The following DMD variants were observed in gnomAD, a reference collection of about 807,000 sequenced individuals.
DMD encodes mutant dystrophin.
A neutral mutation model predicts 330.1 loss-of-function variants in DMD; 63 were observed. The ratio of observed to expected loss-of-function variants is 0.19; its 90% CI spans 0.16 to 0.24. DMD has a LOEUF of 0.24. Among genes scored for constraint, DMD ranks in the 10% least tolerant of loss-of-function variants. The pLI is 1.00. For synonymous variants in DMD, 1,223 were observed against 959.8 expected (o/e 1.27, Z -5.07); for missense variants, 3,344 against 2,684.1 (o/e 1.25, Z -5.43).
intron 1 of DMD, among the ~76,000 whole-genome samples, chrX:33,142,214 T>A (rs1433219012): frequency 8.9e-6 from 1 of 112,077 alleles, no homozygotes; most frequent in Non-Finnish European, 1.9e-5. Context: ...GCCTCCCAAG[T>A]AGCTGGGATT....
chrX:32,454,033 T>C (rs186551706), intron 26 of DMD, among the ~76,000 whole-genome samples: 119 of 110,826 alleles, frequency 1.1e-3, no homozygotes, highest in Middle Eastern at 4.6e-3. Flanking sequence ...GAGGATTATA[T>C]TGACTATTAT....
At chrX:33,165,762 G>C (rs1449168866) in intron 1 of DMD, among the ~76,000 whole-genome samples, 1 of 111,261 alleles carries the variant, frequency 9.0e-6, no homozygotes, top group African/African-American at 3.3e-5. Context: ...TAAACAAAGG[G>C]GGAAAGAGAT....
At chrX:33,328,447 C>T (rs932126594) in intron 1 of DMD, among the ~76,000 whole-genome samples, 1 of 110,917 alleles carries the variant, frequency 9.0e-6, no homozygotes, top group Non-Finnish European at 1.9e-5. Flanking sequence ...ACACCCACCT[C>T]GACCTCCCAA....
chrX:32,486,472 A>C lies in DMD; in HGVS notation c.2623-1373T>G, dbSNP rs1409931975. ...AGCACTGTATTTCTTTTGGACAATGACTTTCTTCACAGAATTGGAAAAAAC... is the reference window on the plus strand; with the variant it reads ...AGCACTGTATTTCTTTTGGACAATGCCTTTCTTCACAGAATTGGAAAAAAC... On this transcript the variant is annotated intron_variant, in intron 20 of 78. Transcript: ENST00000357033. Among the ~76,000 whole-genome samples, 5 of 111,006 alleles carry C rather than the reference A, an allele frequency of 4.5e-5. No homozygotes were observed. The East Asian group carries it at 1.4e-3, about 31-fold the overall frequency.
intron 44 of DMD, among the ~76,000 whole-genome samples, chrX:32,100,176 C>T (rs752061942): frequency 1.5e-4 from 16 of 109,950 alleles, no homozygotes; most frequent in Non-Finnish European, 3.0e-4. Flanking sequence ...TTGAACTACC[C>T]CATCCCCAGA....
chrX:31,521,811 TAA>T (rs1297199826), intron 55 of DMD, among the ~76,000 whole-genome samples: 1 of 111,331 alleles, frequency 9.0e-6, no homozygotes, highest in Non-Finnish European at 1.9e-5. Context: ...GAACAGAAAA[TAA>T]AAAGACTTGC....
At chrX:32,809,919 C>CAAAAAAAAAAAAAAAA (rs55898363) in intron 6 of DMD, among the ~76,000 whole-genome samples, 8 of 28,650 alleles carry the variant, frequency 2.8e-4, no homozygotes, top group Non-Finnish European at 2.9e-4. Context: ...TTGTTTCTAC[C>CAAAAAAAAAAAAAAAA]AAAAAAAAAA....
At chrX:32,049,919 A>G (rs2096094606) in intron 44 of DMD, among the ~76,000 whole-genome samples, 1 of 111,390 alleles carries the variant, frequency 9.0e-6, no homozygotes, top group South Asian at 3.7e-4. Flanking sequence ...CTACTTTTTC[A>G]TTATCAGTTG....
intron 2 of DMD, among the ~76,000 whole-genome samples, chrX:33,008,977 C>T (rs1356321913): frequency 1.0e-5 from 1 of 95,561 alleles, no homozygotes; most frequent in Non-Finnish European, 2.1e-5. Flanking sequence ...TGTATATACA[C>T]TTATGTATAT....
chrX:32,319,644 T>A (rs1464795250), intron 41 of DMD, among the ~76,000 whole-genome samples: 2 of 111,659 alleles, frequency 1.8e-5, no homozygotes, highest in Non-Finnish European at 3.8e-5. Context: ...ATTAGCTACA[T>A]GCTATTGTAC....
intron 63 of DMD, among the ~76,000 whole-genome samples, chrX:31,254,108 C>T (rs17340630): frequency 0.24 from 26,988 of 111,112 alleles, 2,525 homozygotes; most frequent in East Asian, 0.47. Context: ...ATAAGTAACA[C>T]CAGAACATAC....
intron 1 of DMD, among the ~76,000 whole-genome samples, chrX:33,151,328 C>A (rs1420623086): frequency 8.9e-6 from 1 of 112,455 alleles, no homozygotes; most frequent in African/African-American, 3.2e-5. Flanking sequence ...TGTCACCAAA[C>A]ATCTCTTACA....
intron 45 of DMD, among the ~76,000 whole-genome samples, chrX:31,943,337 T>C (rs1228973883): frequency 1.8e-5 from 2 of 112,495 alleles, no homozygotes; most frequent in Non-Finnish European, 3.8e-5. Context: ...TGAAAATATC[T>C]ATGATAATTA....
At chrX:33,175,866 T>G (rs778200859) in intron 1 of DMD, among the ~76,000 whole-genome samples, 7 of 112,075 alleles carry the variant, frequency 6.2e-5, no homozygotes, top group Non-Finnish European at 1.3e-4. Flanking sequence ...ATGTATATCA[T>G]GTTCCAGACC....
intron 43 of DMD, among the ~76,000 whole-genome samples, chrX:32,236,956 T>G (rs2097190051): frequency 8.9e-6 from 1 of 112,189 alleles, no homozygotes; most frequent in South Asian, 3.7e-4. Flanking sequence ...AATATTTTTC[T>G]TAAATTATGA....
intron 2 of DMD, among the ~76,000 whole-genome samples, chrX:32,944,390 T>A (rs771143410): frequency 2.7e-5 from 3 of 111,861 alleles, no homozygotes; most frequent in Admixed American, 9.5e-5. Flanking sequence ...TTGGGCTTCT[T>A]AAGCTTAATT....
intron 44 of DMD, among the ~76,000 whole-genome samples, chrX:32,142,934 C>T (rs1385777139): frequency 9.0e-6 from 1 of 111,515 alleles, no homozygotes; most frequent in East Asian, 2.8e-4. Context: ...ATCTGAATTC[C>T]ACAAATCACC....
chrX:32,775,461 T>C (rs1412520704), intron 7 of DMD, among the ~76,000 whole-genome samples: 1 of 113,112 alleles, frequency 8.8e-6, no homozygotes, highest in East Asian at 2.8e-4. Context: ...CCATACATCC[T>C]CTAGACATCT....
chrX:32,185,097 G>A (rs2096941062), intron 44 of DMD, among the ~76,000 whole-genome samples: 1 of 110,816 alleles, frequency 9.0e-6, no homozygotes, highest in African/African-American at 3.3e-5. Context: ...CAGCTAAATA[G>A]TTATCTGTTA....
Sources: allele counts gnomAD v4.1 joint callset (sites outside exome capture counted in the v4.1 genomes callset), GRCh38; gene constraint gnomAD v4.1.1; transcripts MANE v1.5; gene names NCBI Gene and HGNC (gene_info 2026-07-23, HGNC 2026-07-21).